LDLRAD4: variants seen among roughly 807,000 people sequenced by gnomAD.
LDLRAD4 encodes low-density lipoprotein receptor class A domain-containing protein 4.
A neutral mutation model predicts 17.0 loss-of-function variants in LDLRAD4; 5 were observed. The observed-to-expected ratio is 0.29, with a 90% CI of 0.15 to 0.62. The LOEUF (loss-of-function observed/expected upper bound fraction) is 0.62. LDLRAD4 is among the 20% of genes least tolerant of loss of function. The pLI is 0.84. For synonymous variants in LDLRAD4, 168 were observed against 171.8 expected (o/e 0.98, Z 0.17); for missense variants, 340 against 424.7 (o/e 0.80, Z 1.75).
chr18:13,510,439 G>A (rs920122836), intron 3 of LDLRAD4, among the ~76,000 whole-genome samples: 1 of 151,816 alleles, frequency 6.6e-6, no homozygotes, highest in African/African-American at 2.4e-5. Flanking sequence ...CTATGATGCA[G>A]GAGTCCTTTA....
intron 1 of LDLRAD4, among the ~76,000 whole-genome samples, chr18:13,366,433 G>A (rs2084059847): frequency 6.6e-6 from 1 of 152,080 alleles, no homozygotes; most frequent in African/African-American, 2.4e-5. Flanking sequence ...TGACTCTCAG[G>A]TTCTTCTCTC....
intron 4 of LDLRAD4, among the ~76,000 whole-genome samples, chr18:13,640,879 T>A (rs1386718943): frequency 6.6e-6 from 1 of 152,106 alleles, no homozygotes; most frequent in African/African-American, 2.4e-5. Context: ...AAGAAAGAAT[T>A]TAGTTACTTA....
chr18:13,255,349 C>T (rs115317564), intron 1 of LDLRAD4, among the ~76,000 whole-genome samples: 1,853 of 152,200 alleles, frequency 0.012, 52 homozygotes, highest in African/African-American at 0.043. Context: ...TACTGGGGTC[C>T]GAGAAGGTAG....
intron 1 of LDLRAD4, among the ~76,000 whole-genome samples, chr18:13,309,298 T>A (rs2047093586): frequency 6.6e-6 from 1 of 152,196 alleles, no homozygotes. Flanking sequence ...CTTCGCGTAC[T>A]GGTAATGAAC....
At chr18:13,351,344 A>C (rs1020930501) in intron 1 of LDLRAD4, among the ~76,000 whole-genome samples, 2 of 152,092 alleles carry the variant, frequency 1.3e-5, no homozygotes, top group East Asian at 1.9e-4. Context: ...AGTCCTTCAC[A>C]TCCCTTGTTA....
At chr18:13,561,689 G>A (rs1456544176) in intron 3 of LDLRAD4, 7 of 152,204 alleles carry the variant, frequency 4.6e-5, no homozygotes, top group Non-Finnish European at 1.5e-5. Context: ...GCCGAAGCGT[G>A]TCTTGACTCA....
chr18:13,421,916 G>A (rs540798055), intron 2 of LDLRAD4, among the ~76,000 whole-genome samples: 12 of 152,326 alleles, frequency 7.9e-5, no homozygotes, highest in African/African-American at 2.2e-4. Flanking sequence ...GGCCCCTGCC[G>A]TGCCTATGCT....
chr18:13,361,313 G>A (rs538352580), intron 1 of LDLRAD4, among the ~76,000 whole-genome samples: 3 of 152,214 alleles, frequency 2.0e-5, no homozygotes, highest in East Asian at 1.9e-4. Flanking sequence ...TCCTGACCTC[G>A]TGATCCACCC....
intron 1 of LDLRAD4, among the ~76,000 whole-genome samples, chr18:13,224,744 T>G (rs936240240): frequency 6.6e-5 from 10 of 151,926 alleles, no homozygotes; most frequent in African/African-American, 1.5e-4. Flanking sequence ...CCTCCCAAAG[T>G]GCTGAGATTA....
At chr18:13,363,064 C>T (rs1174541809) in intron 1 of LDLRAD4, among the ~76,000 whole-genome samples, 1 of 151,790 alleles carries the variant, frequency 6.6e-6, no homozygotes, top group East Asian at 1.9e-4. Flanking sequence ...GGCGTGGTGG[C>T]TCACGCCTGT....
chr18:13,229,834 G>T (rs1386736765), intron 1 of LDLRAD4, among the ~76,000 whole-genome samples: 1 of 152,160 alleles, frequency 6.6e-6, no homozygotes. Context: ...GTGTGCCCAC[G>T]GTTGCCACAC....
intron 1 of LDLRAD4, among the ~76,000 whole-genome samples, chr18:13,375,728 C>T (rs532500637): frequency 6.6e-6 from 1 of 152,184 alleles, no homozygotes; most frequent in Non-Finnish European, 1.5e-5. Context: ...CTGCTTTTCC[C>T]TCCCTTCCCT....
intron 1 of LDLRAD4, among the ~76,000 whole-genome samples, chr18:13,249,758 T>A (rs1300471988): frequency 6.6e-6 from 1 of 152,206 alleles, no homozygotes. Flanking sequence ...GTCGATATAA[T>A]CCCATTTGAT....
At chr18:13,560,194 G>A (rs1186217044) in intron 3 of LDLRAD4, among the ~76,000 whole-genome samples, 1 of 152,224 alleles carries the variant, frequency 6.6e-6, no homozygotes, top group East Asian at 1.9e-4. Context: ...AAGCCCTAGA[G>A]GGTGTCCCCC....
chr18:13,367,670 G>A lies in LDLRAD4; in HGVS notation c.-382-19671G>A, dbSNP rs1268725701. On this transcript the variant is annotated intron_variant, in intron 1 of 5. Transcript: ENST00000359446. The surrounding 1 kb of genome is among the most constrained non-coding windows in gnomAD (Gnocchi z 4.1). ...CCCATCTGCTGTCAAGGAGTGTGCC[G>A]AGAGGGGACAGCCGGGCACGGGGGC... Among the ~76,000 whole-genome samples the A allele has an allele frequency of 2.0e-5, 3 of 152,122 alleles. No individual in the cohort carries two copies. The highest frequency in any genetic ancestry group is 4.4e-5 in the Non-Finnish European group (3 of 68,020).
intron 2 of LDLRAD4, among the ~76,000 whole-genome samples, chr18:13,401,164 G>C (rs180774004): frequency 1.2e-4 from 18 of 152,028 alleles, no homozygotes; most frequent in African/African-American, 4.1e-4. Flanking sequence ...CAGAGGACTC[G>C]GGCTGGAACA....
chr18:13,492,808 C>A (rs2093386018), intron 3 of LDLRAD4, among the ~76,000 whole-genome samples: 1 of 152,212 alleles, frequency 6.6e-6, no homozygotes, highest in Non-Finnish European at 1.5e-5. Flanking sequence ...ACTCTTCCTG[C>A]CTTTCCCTTG....
At chr18:13,448,302 G>A (rs953952332) in intron 3 of LDLRAD4, among the ~76,000 whole-genome samples, 2 of 152,190 alleles carry the variant, frequency 1.3e-5, no homozygotes, top group Non-Finnish European at 2.9e-5. Context: ...TGTGGAAACC[G>A]TTGGTCTTGA....
chr18:13,326,495 T>C (rs1373318153), intron 1 of LDLRAD4, among the ~76,000 whole-genome samples: 2 of 152,236 alleles, frequency 1.3e-5, no homozygotes, highest in Non-Finnish European at 2.9e-5. Context: ...GTAATAGACA[T>C]GATCAATGTG....
Sources: allele counts gnomAD v4.1 joint callset (sites outside exome capture counted in the v4.1 genomes callset), GRCh38; gene constraint gnomAD v4.1.1; non-coding constraint Gnocchi (gnomAD v3.1); transcripts MANE v1.5; gene names NCBI Gene and HGNC (gene_info 2026-07-23, HGNC 2026-07-21).